Variants in SHISA6 observed in about 807,000 individuals in gnomAD.
SHISA6 encodes shisa family member 6, also known as protein shisa-6.
A neutral mutation model predicts 47.9 loss-of-function variants in SHISA6; 22 were observed. The ratio of observed to expected loss-of-function variants is 0.46; its 90% CI spans 0.33 to 0.66. The LOEUF (loss-of-function observed/expected upper bound fraction) is 0.66, where lower values mean the gene tolerates loss of function less well. Among genes scored for constraint, SHISA6 ranks in the 30% least tolerant of loss-of-function variants. The pLI, the probability that SHISA6 is intolerant of heterozygous loss-of-function variation, is 0.02. For synonymous variants in SHISA6, 388 were observed against 337.8 expected (o/e 1.15, Z -1.63); for missense variants, 680 against 764.6 (o/e 0.89, Z 1.30).
intron 4 of SHISA6, among the ~76,000 whole-genome samples, chr17:11,553,865 C>T (rs1046175284): frequency 6.6e-6 from 1 of 152,118 alleles, no homozygotes; most frequent in African/African-American, 2.4e-5. Context: ...CAGATATTGT[C>T]GTTGGCTAAA....
intron 2 of SHISA6, among the ~76,000 whole-genome samples, chr17:11,318,898 A>C (rs955346866): frequency 2.0e-5 from 3 of 152,016 alleles, no homozygotes; most frequent in African/African-American, 7.2e-5. Context: ...AGGATATTCG[A>C]TTTTGCTCAA....
intron 2 of SHISA6, among the ~76,000 whole-genome samples, chr17:11,376,257 G>A (rs1321860260): frequency 6.6e-6 from 1 of 151,672 alleles, no homozygotes; most frequent in African/African-American, 2.4e-5. Context: ...CATCACCAAG[G>A]AAAAGAAGAG....
intron 3 of SHISA6, among the ~76,000 whole-genome samples, chr17:11,401,665 A>G (rs1368600682): frequency 6.6e-6 from 1 of 152,204 alleles, no homozygotes; most frequent in African/African-American, 2.4e-5. Flanking sequence ...CTGGATACCA[A>G]CAAAGATTTA....
intron 3 of SHISA6, among the ~76,000 whole-genome samples, chr17:11,496,438 T>C (rs1283926962): frequency 6.6e-6 from 1 of 152,158 alleles, no homozygotes; most frequent in African/African-American, 2.4e-5. Flanking sequence ...GGGCTAGGCA[T>C]AGAACGGGAT....
At chr17:11,459,777 T>C (rs1044319634) in intron 3 of SHISA6, among the ~76,000 whole-genome samples, 1 of 152,190 alleles carries the variant, frequency 6.6e-6, no homozygotes, top group African/African-American at 2.4e-5. Context: ...TTGTATTCAG[T>C]CACAGAACAC....
intron 2 of SHISA6, among the ~76,000 whole-genome samples, chr17:11,303,993 G>A (rs561712758): frequency 2.5e-4 from 38 of 152,202 alleles, no homozygotes; most frequent in Non-Finnish European, 5.0e-4. Context: ...ATATCCAGGA[G>A]CAGATGTGAG....
chr17:11,287,035 CT>C (rs1375633840), intron 2 of SHISA6, among the ~76,000 whole-genome samples: 1 of 152,102 alleles, frequency 6.6e-6, no homozygotes, highest in East Asian at 1.9e-4. Context: ...ATGTTTTTTA[CT>C]TTAACAATTT....
At chr17:11,447,163 T>A (rs1441191616) in intron 3 of SHISA6, among the ~76,000 whole-genome samples, 1 of 152,224 alleles carries the variant, frequency 6.6e-6, no homozygotes, top group Non-Finnish European at 1.5e-5. Context: ...TAACAAATGA[T>A]ACACATTAGA....
At chr17:11,385,944 G>C (rs918524587) in intron 3 of SHISA6, among the ~76,000 whole-genome samples, 9 of 151,938 alleles carry the variant, frequency 5.9e-5, no homozygotes, top group African/African-American at 1.9e-4. Context: ...ACCGAGGCTC[G>C]TGGAGATCAT....
intron 3 of SHISA6, among the ~76,000 whole-genome samples, chr17:11,523,667 T>C (rs904441898): frequency 2.0e-5 from 3 of 152,190 alleles, no homozygotes; most frequent in Non-Finnish European, 2.9e-5. Flanking sequence ...TGATACTTCA[T>C]ACAGCTATTT....
intron 2 of SHISA6, among the ~76,000 whole-genome samples, chr17:11,264,390 A>G (rs1411523211): frequency 1.3e-5 from 2 of 152,342 alleles, no homozygotes; most frequent in African/African-American, 2.4e-5. Context: ...AGAGAGAAAA[A>G]CAAGATTCAA....
intron 2 of SHISA6, among the ~76,000 whole-genome samples, chr17:11,353,626 C>T (rs967548368): frequency 4.6e-5 from 7 of 152,132 alleles, no homozygotes; most frequent in African/African-American, 1.7e-4. Flanking sequence ...TAGAAAAACC[C>T]TGGGAACAGG....
At chr17:11,463,350 C>T (rs1395665383) in intron 3 of SHISA6, among the ~76,000 whole-genome samples, 2 of 152,158 alleles carry the variant, frequency 1.3e-5, no homozygotes, top group Non-Finnish European at 2.9e-5. Context: ...ATGATCACCA[C>T]TCCTGTAAAT....
At chr17:11,377,003 G>C (rs1269616678) in intron 2 of SHISA6, among the ~76,000 whole-genome samples, 1 of 152,158 alleles carries the variant, frequency 6.6e-6, no homozygotes, top group Non-Finnish European at 1.5e-5. Context: ...CTCATGAGCA[G>C]CTTTACCAAA....
chr17:11,515,097 AG>A, intron 3 of SHISA6, among the ~76,000 whole-genome samples: 1 of 152,174 alleles, frequency 6.6e-6, no homozygotes, highest in Middle Eastern at 3.4e-3. Flanking sequence ...TCTCTTCAGG[AG>A]GACCCAGGAT....
intron 2 of SHISA6, among the ~76,000 whole-genome samples, chr17:11,335,080 T>A (rs1911272905): frequency 6.6e-6 from 1 of 152,228 alleles, no homozygotes; most frequent in Non-Finnish European, 1.5e-5. Flanking sequence ...TGGAAGAATG[T>A]GCCCTTTGCT....
intron 3 of SHISA6, among the ~76,000 whole-genome samples, chr17:11,503,422 C>A (rs896783778): frequency 1.3e-5 from 2 of 152,192 alleles, no homozygotes; most frequent in African/African-American, 4.8e-5. Flanking sequence ...GGCTGAGGGT[C>A]TGGACAGAGC....
chr17:11,490,483 T>TC (rs1916446320), intron 3 of SHISA6, among the ~76,000 whole-genome samples: 2 of 152,090 alleles, frequency 1.3e-5, no homozygotes, highest in Non-Finnish European at 2.9e-5. Flanking sequence ...GAATGAGGCC[T>TC]CCCTGATGCC....
At chr17:11,502,448 C>A (rs191791717) in intron 3 of SHISA6, among the ~76,000 whole-genome samples, 1,993 of 138,104 alleles carry the variant, frequency 0.014, 22 homozygotes, top group Middle Eastern at 0.069. Flanking sequence ...AAAACATCGG[C>A]CAGGTGCAGT....
Sources: gnomAD v4.1 joint callset for allele counts (sites outside exome capture counted in the v4.1 genomes callset) on GRCh38, gnomAD v4.1.1 for gene constraint, MANE v1.5 for transcripts, NCBI Gene and HGNC (gene_info 2026-07-23, HGNC 2026-07-21) for gene names.